GFOD1: variants seen among roughly 807,000 people sequenced by gnomAD.
GFOD1 encodes Gfo/Idh/MocA-like oxidoreductase domain containing 1, also known as glucose-fructose oxidoreductase domain-containing protein 1.
In GFOD1, 9 loss-of-function variants were observed where a neutral mutation model predicts 25.4. The ratio of observed to expected loss-of-function variants is 0.35; its 90% confidence interval spans 0.21 to 0.62. The LOEUF is 0.62. Among genes scored for constraint, GFOD1 ranks in the 20% least tolerant of loss-of-function variants. GFOD1 has a pLI of 0.72. For missense variants in GFOD1, 403 were observed against 556.9 expected, an observed-to-expected ratio of 0.72 and a Z score of 2.78; for synonymous variants, 253 against 245.6, an observed-to-expected ratio of 1.03 and a Z score of -0.28.
chr6:13,386,900 G>A (rs1164029604), intron 1 of GFOD1, among the ~76,000 whole-genome samples: 1 of 152,122 alleles, frequency 6.6e-6, no homozygotes, highest in African/African-American at 2.4e-5. Flanking sequence ...ACAGAAGCTA[G>A]GGTCAAGAAG....
chr6:13,470,181 G>A lies in GFOD1; in HGVS notation c.253+16457C>T, dbSNP rs561256752. The A allele has an allele frequency of 8.3e-5, 129 of 1,557,756 alleles. 1 individual carries two copies. In the Admixed American group the frequency reaches 1.6e-3, roughly 20 times the overall value. On this transcript the variant is annotated intron_variant, in intron 1 of 1. Coordinates refer to ENST00000379287, the MANE Select transcript of GFOD1 (RefSeq NM_018988.4). ...TCCCACTGGCTTCCCCAGCACCTGC[G>A]CGCGATGAACGCATCTATCTGTAAT...
intron 1 of GFOD1, among the ~76,000 whole-genome samples, chr6:13,375,190 G>A (rs1038338435): frequency 4.6e-5 from 7 of 152,146 alleles, no homozygotes; most frequent in Admixed American, 6.5e-5. Context: ...CCATCAAGTC[G>A]TACTTTGGGT....
chr6:13,388,882 G>C (rs1351281803), intron 1 of GFOD1, among the ~76,000 whole-genome samples: 1 of 152,092 alleles, frequency 6.6e-6, no homozygotes, highest in African/African-American at 2.4e-5. Flanking sequence ...AGGGCTAATA[G>C]CCAGAAACTA....
At chr6:13,368,421 C>A (rs148620455) in intron 1 of GFOD1, among the ~76,000 whole-genome samples, 1 of 152,364 alleles carries the variant, frequency 6.6e-6, no homozygotes, top group African/African-American at 2.4e-5. Flanking sequence ...AAGTGCCACA[C>A]ACCTGTGTAA....
intron 1 of GFOD1, among the ~76,000 whole-genome samples, chr6:13,399,752 C>A (rs1562206158): frequency 6.6e-6 from 1 of 152,166 alleles, no homozygotes; most frequent in African/African-American, 2.4e-5. Flanking sequence ...GTAGAGAATG[C>A]ACCAAAAAGT....
chr6:13,372,335 T>A (rs1269213286), intron 1 of GFOD1, among the ~76,000 whole-genome samples: 1 of 152,096 alleles, frequency 6.6e-6, no homozygotes, highest in Non-Finnish European at 1.5e-5. Flanking sequence ...GAAAATCAGC[T>A]CCCTCCGAAG....
chr6:13,391,511 C>CAAAAAAAAAAAAAAAAAAAAA (rs57340590), intron 1 of GFOD1, among the ~76,000 whole-genome samples: 22 of 108,634 alleles, frequency 2.0e-4, no homozygotes, highest in Middle Eastern at 5.2e-3. Flanking sequence ...AACAAACAAA[C>CAAAAAAAAAAAAAAAAAAAAA]AAAAAAAAAA....
At chr6:13,408,371 G>A (rs2127565166) in intron 1 of GFOD1, among the ~76,000 whole-genome samples, 1 of 152,268 alleles carries the variant, frequency 6.6e-6, no homozygotes, top group South Asian at 2.1e-4. Context: ...GTTTCCAGTG[G>A]AACTTTGAGG....
At chr6:13,460,909 C>T (rs1758279672) in intron 1 of GFOD1, among the ~76,000 whole-genome samples, 1 of 152,146 alleles carries the variant, frequency 6.6e-6, no homozygotes. Context: ...CATGTGAGGA[C>T]ACAGAGTTTG....
In GFOD1 at chr6:13,358,272, A is replaced by G. The variant is rs1784897898; in HGVS notation, c.*6471T>C. ...CCCTTGATAAATAACTCTTTAAAATATCTAGTATACATGCCTTGACTTCTT... is the reference window on the plus strand; with the variant it reads ...CCCTTGATAAATAACTCTTTAAAATGTCTAGTATACATGCCTTGACTTCTT... On this transcript the variant is annotated 3_prime_UTR_variant, in exon 2 of 2. Coordinates refer to ENST00000379287, the MANE Select transcript of GFOD1 (RefSeq NM_018988.4). 6.6e-6 allele frequency: 1 copy of G among 152,210 alleles called. No homozygotes were observed. Among genetic ancestry groups the G allele is most frequent in the Non-Finnish European group, 1.5e-5 (1 of 68,048 alleles). 9.4% of individuals were successfully genotyped at this position (152,210 alleles called of 1,614,324 possible). A position where few individuals can be genotyped will look rare whatever the true frequency, so the allele number is the denominator to read the frequency against.
intron 1 of GFOD1, among the ~76,000 whole-genome samples, chr6:13,424,956 CTT>C (rs571287840): frequency 3.2e-4 from 40 of 123,838 alleles, no homozygotes; most frequent in Admixed American, 5.7e-4. Flanking sequence ...ACATTTAATT[CTT>C]TTTTTTTTTT....
chr6:13,413,963 T>G (rs1786122176), intron 1 of GFOD1, among the ~76,000 whole-genome samples: 1 of 152,206 alleles, frequency 6.6e-6, no homozygotes. Context: ...CCTAAGACTC[T>G]CCCAGAAATC....
chr6:13,471,964 G>T, intron 1 of GFOD1: 1 of 155,114 alleles, frequency 6.4e-6, no homozygotes, highest in Non-Finnish European at 1.4e-5. Flanking sequence ...AAGAAAAAGA[G>T]GTTTAATTGG....
chr6:13,482,005 A>T (rs1356958343), intron 1 of GFOD1, among the ~76,000 whole-genome samples: 2 of 151,978 alleles, frequency 1.3e-5, no homozygotes, highest in African/African-American at 4.8e-5. Context: ...CCATACAATG[A>T]AATACTAGGT....
At chr6:13,418,821 A>G (rs1786204350) in intron 1 of GFOD1, among the ~76,000 whole-genome samples, 1 of 152,234 alleles carries the variant, frequency 6.6e-6, no homozygotes, top group African/African-American at 2.4e-5. Context: ...TTGGAATAAA[A>G]AAGAAGGTCT....
At chr6:13,368,698 A>T (rs1454063895) in intron 1 of GFOD1, among the ~76,000 whole-genome samples, 1 of 152,110 alleles carries the variant, frequency 6.6e-6, no homozygotes, top group Non-Finnish European at 1.5e-5. Context: ...AAAGGTTTTT[A>T]TTTTTTTCTA....
In GFOD1 at chr6:13,470,362, T is replaced by C. The variant is rs565474629; in HGVS notation, c.253+16276A>G. The C allele has an allele frequency of 3.9e-6, 6 of 1,554,344 alleles. No homozygotes were observed. In the East Asian group the frequency reaches 9.7e-5, roughly 25 times the overall value. On this transcript the variant is annotated intron_variant, in intron 1 of 1. Transcript: ENST00000379287. ...CTCAGTTCCACAGACAAATGCAGCA[T>C]TGTGGTCCCCGTGGGCCTCCAGGGA...
chr6:13,429,859 C>T (rs1183317843), intron 1 of GFOD1, among the ~76,000 whole-genome samples: 2 of 152,090 alleles, frequency 1.3e-5, no homozygotes, highest in Non-Finnish European at 2.9e-5. Flanking sequence ...AAATATGCTA[C>T]TATACATATA....
At chr6:13,452,220 A>G (rs1350608277) in intron 1 of GFOD1, among the ~76,000 whole-genome samples, 1 of 152,158 alleles carries the variant, frequency 6.6e-6, no homozygotes, top group East Asian at 1.9e-4. Context: ...GAGGGGGAGG[A>G]TGCTGTAGTG....
Sources: gnomAD v4.1 joint callset for allele counts (sites outside exome capture counted in the v4.1 genomes callset) on GRCh38, gnomAD v4.1.1 for gene constraint, MANE v1.5 for transcripts, NCBI Gene and HGNC (gene_info 2026-07-23, HGNC 2026-07-21) for gene names.